Variants in KIF1A observed in about 807,000 individuals in gnomAD.
KIF1A encodes the protein kinesin-like protein KIF1A.
In KIF1A, 46 loss-of-function variants were observed where a neutral mutation model predicts 227.3. The observed-to-expected ratio is 0.20, with a 90% CI of 0.16 to 0.26. The LOEUF is 0.26. Among genes scored for constraint, KIF1A ranks in the 10% least tolerant of loss-of-function variants. The pLI is 1.00. For synonymous variants in KIF1A, 1,022 were observed against 1,012.8 expected, an observed-to-expected ratio of 1.01 and a Z score of -0.17; for missense variants, 1,683 against 2,485.9, an observed-to-expected ratio of 0.68 and a Z score of 6.87.
At chr2:240,765,658 C>G (rs2051080315) in intron 20 of KIF1A, 52 bp downstream of exon 20, 2 of 1,415,094 alleles carry the variant, frequency 1.4e-6, no homozygotes, top group African/African-American at 1.4e-5. Flanking sequence ...GAACAGAGGC[C>G]TCGCCTCATG....
At chr2:240,807,289 A>G (rs1007463386) in intron 1 of KIF1A, among the ~76,000 whole-genome samples, 3 of 152,014 alleles carry the variant, frequency 2.0e-5, no homozygotes, top group African/African-American at 7.3e-5. Flanking sequence ...GCCACTAGGC[A>G]TGCACCACCA....
Position 240,724,320 on chromosome 2 carries a change from G to C in KIF1A, c.4257-284C>G, listed in dbSNP as rs1358530677. On this transcript the variant is annotated intron_variant, in intron 40 of 48. Coordinates refer to ENST00000498729, the MANE Select transcript of KIF1A (RefSeq NM_001244008.2). ...CCTCCACTTTGTCCCAGCCCAAGTG[G>C]GGTACAGGCAACATGAGCACAGCAT... The C allele has an allele frequency of 2.8e-5, 14 of 499,348 alleles. 1 individual carries two copies. The South Asian group carries it at 2.9e-4, about 10-fold the overall frequency. 30.9% of individuals were successfully genotyped at this position (499,348 alleles called of 1,614,324 possible).
chr2:240,797,650 T>C lies in KIF1A; in HGVS notation c.103A>G (p.Thr35Ala). ...KCIIQMSGST[T>A]TIVNPKQPKE... is the part of the protein sequence containing the mutation. ...TGCTGTGCAGGCTGATACTCACTGG[T>C]GGTGCTTCCAGACATCTGAATGATG... is the stretch of plus-strand genomic sequence containing the variant. Residue 35 changes from threonine to alanine, a missense_variant, in exon 2 of 49, where the codon ACC (threonine) becomes GCC (alanine). Thr to Ala is a moderately conservative substitution (Grantham distance 58, BLOSUM62 0). This residue lies in a region of KIF1A where 71 missense variants were observed against 129.1 expected (regional missense o/e 0.55). Coordinates refer to ENST00000498729, the MANE Select transcript of KIF1A (RefSeq NM_001244008.2). The C allele has an allele frequency of 6.2e-7, 1 of 1,607,518 alleles. No homozygotes were observed. The highest frequency in any genetic ancestry group is 8.5e-7 in the Non-Finnish European group (1 of 1,175,142).
At chr2:240,767,060 C>G in intron 18 of KIF1A, 39 bp from the exon 19 acceptor site, 11 of 1,491,118 alleles carry the variant, frequency 7.4e-6, no homozygotes, top group Non-Finnish European at 1.0e-5. Flanking sequence ...CAGCTGGGAC[C>G]CAATACACCC....
intron 34 of KIF1A, 74 bp downstream of exon 34, chr2:240,742,855 G>A: frequency 7.4e-7 from 1 of 1,345,866 alleles, no homozygotes; most frequent in Non-Finnish European, 1.0e-6. Context: ...ATTCACTGCG[G>A]GGGCCCAGCC....
Position 240,726,980 on chromosome 2 carries a change from G to C in KIF1A, c.4008-40C>G. On this transcript the variant is annotated intron_variant, in intron 38 of 48. Transcript: ENST00000498729. The surrounding 1 kb of genome is among the most constrained non-coding windows in gnomAD (Gnocchi z 5.2). ...AGACAAAGTAGAAGTTGATGGCGTG[G>C]GGGCTGCTTTCAGCCAGGCCGGGGA... 1.6e-6 allele frequency: 2 copies of C among 1,288,812 alleles called. No homozygotes were observed. Among genetic ancestry groups the C allele is most frequent in the Admixed American group, 1.9e-5 (1 of 52,142 alleles). 79.8% of individuals were successfully genotyped at this position (1,288,812 alleles called of 1,614,324 possible). A position where few individuals can be genotyped will look rare whatever the true frequency, so the allele number is the denominator to read the frequency against.
intron 44 of KIF1A, among the ~76,000 whole-genome samples, chr2:240,721,604 C>T (rs1235015952): frequency 2.0e-5 from 3 of 152,230 alleles, no homozygotes; most frequent in Non-Finnish European, 1.5e-5. Flanking sequence ...CGGCCCCTCA[C>T]TCACATCCCC....
In KIF1A at chr2:240,718,137, T is replaced by C; in HGVS notation, c.5246A>G (p.His1749Arg). 6.2e-7 allele frequency: 1 copy of C among 1,609,328 alleles called. No homozygotes were observed. The highest frequency in any genetic ancestry group is 8.5e-7 in the Non-Finnish European group (1 of 1,178,476). Residue 1749 changes from histidine (H) to arginine (R), a missense_variant, in exon 48 of 49, where the codon CAC becomes CGC. By Grantham distance (29) the His-to-Arg change is conservative. This residue lies in a region of KIF1A where 384 missense variants were observed against 410.1 expected (regional missense o/e 0.94). Transcript: ENST00000498729. ...GGCGGCCTGCAGCAGGATGCCGCGG[T>C]GTTCCGTGCACACCGCGAATGTGTT... ...TPNTFAVCTE[H>R]RGILLQAASD...
rs1271649549 is a variant in KIF1A, at chr2:240,736,071, G to GC, written c.4007+991dup. Among the ~76,000 whole-genome samples the GC allele has an allele frequency of 3.3e-5, 5 of 151,136 alleles. No homozygotes were observed. Among genetic ancestry groups the GC allele is most frequent in the Non-Finnish European group, 4.4e-5 (3 of 67,874 alleles). On this transcript the variant is annotated intron_variant, in intron 38 of 48. Coordinates refer to ENST00000498729, the MANE Select transcript of KIF1A (RefSeq NM_001244008.2). The surrounding 1 kb of genome is among the most constrained non-coding windows in gnomAD (Gnocchi z 4.7). ...AGTGCCCTCCTTACTGCAGTGCTAA[G>GC]CCCCGATAGCCCACTTTCTGGGTGT...
Position 240,792,951 on chromosome 2 carries a change from G to A in KIF1A, c.107-3639C>T, listed in dbSNP as rs939207401. Among the ~76,000 whole-genome samples, 2 of 152,200 alleles carry A rather than the reference G, an allele frequency of 1.3e-5. No individual in the cohort carries two copies. The highest frequency in any genetic ancestry group is 2.9e-5 in the Non-Finnish European group (2 of 68,032). ...GATTGGACTTCCGCCTCCAGACTGC[G>A]GAGAAGGGAACATATGCTGTTTAAG... On this transcript the variant is annotated intron_variant, in intron 2 of 48. Transcript: ENST00000498729. The surrounding 1 kb of genome is among the most constrained non-coding windows in gnomAD (Gnocchi z 4.5).
At chr2:240,780,180 T>C (rs1383898357) in intron 10 of KIF1A, among the ~76,000 whole-genome samples, 2 of 151,884 alleles carry the variant, frequency 1.3e-5, no homozygotes, top group East Asian at 3.9e-4. Flanking sequence ...TCCTCATGCC[T>C]TTCCCAGCAG....
chr2:240,744,626 G>C (rs1360754591), intron 32 of KIF1A, among the ~76,000 whole-genome samples: 1 of 152,212 alleles, frequency 6.6e-6, no homozygotes, highest in Admixed American at 6.5e-5. Flanking sequence ...CATGTGAACA[G>C]ACACAAGGAA....
rs1278175729 is a variant in KIF1A at position 240,789,726 on chromosome 2, C to T, written c.107-414G>A. Among the ~76,000 whole-genome samples the T allele has an allele frequency of 6.6e-6, 1 of 152,198 alleles. No homozygotes were observed. Among genetic ancestry groups the T allele is most frequent in the Admixed American group, 6.5e-5 (1 of 15,286 alleles). On this transcript the variant is annotated intron_variant, in intron 2 of 48. Coordinates refer to ENST00000498729, the MANE Select transcript of KIF1A (RefSeq NM_001244008.2). The surrounding 1 kb of genome is among the most constrained non-coding windows in gnomAD (Gnocchi z 4.8). ...CCTTTATGCTCCGGCTCAGCGTGCA[C>T]GTGCCCGAGAAGCGCTGGAAGCCTG...
intron 28 of KIF1A, among the ~76,000 whole-genome samples, chr2:240,749,385 G>A (rs956314608): frequency 1.3e-5 from 2 of 152,130 alleles, no homozygotes; most frequent in Non-Finnish European, 2.9e-5. Flanking sequence ...CCTCTAAGCA[G>A]CCCCAGCCCG....
chr2:240,751,603 C>G (rs138569454), intron 27 of KIF1A, among the ~76,000 whole-genome samples: 172 of 152,228 alleles, frequency 1.1e-3, no homozygotes, highest in Non-Finnish European at 2.1e-3. Context: ...TCAAGAAGCC[C>G]CCCTCAACTG....
At chr2:240,802,228 G>A (rs2057037823) in intron 1 of KIF1A, among the ~76,000 whole-genome samples, 1 of 152,140 alleles carries the variant, frequency 6.6e-6, no homozygotes, top group Non-Finnish European at 1.5e-5. Context: ...AGAGGTAACA[G>A]TAATCATTTA....
chr2:240,753,900 C>T (rs935122361), intron 27 of KIF1A, among the ~76,000 whole-genome samples: 7 of 152,328 alleles, frequency 4.6e-5, no homozygotes, highest in African/African-American at 1.7e-4. Context: ...TCCAGCTCAA[C>T]TGTGTGGACA....
chr2:240,718,747 AC>A (rs1184599178), intron 47 of KIF1A, among the ~76,000 whole-genome samples: 1 of 152,176 alleles, frequency 6.6e-6, no homozygotes, highest in Non-Finnish European at 1.5e-5. Context: ...ACAGGAGAAT[AC>A]TAATGCTTGC....
intron 47 of KIF1A, 31 bp from the exon 48 acceptor site, chr2:240,718,199 C>A: frequency 6.8e-7 from 1 of 1,472,836 alleles, no homozygotes; most frequent in Non-Finnish European, 9.3e-7. Context: ...TGAGGAGGTG[C>A]CAGGCTCCGT....
Sources: allele counts gnomAD v4.1 joint callset (sites outside exome capture counted in the v4.1 genomes callset), GRCh38; gene constraint gnomAD v4.1.1; regional missense constraint gnomAD v4.1.1; non-coding constraint Gnocchi (gnomAD v3.1); transcripts MANE v1.5; gene names NCBI Gene and HGNC (gene_info 2026-07-23, HGNC 2026-07-21).